Variants in NCEH1 observed in about 807,000 individuals in gnomAD.
NCEH1 encodes neutral cholesterol ester hydrolase 1, also known as 2-acetyl MAGE hydrolase.
Under a neutral mutation model 25.4 loss-of-function variants are expected in NCEH1, and 9 were observed. The observed-to-expected ratio is 0.35, with a 90% CI of 0.21 to 0.62. NCEH1 has a LOEUF of 0.62. NCEH1 is among the 20% of genes least tolerant of loss of function. The pLI is 0.72. For synonymous variants in NCEH1, 200 were observed against 199.8 expected (o/e 1.00, Z -0.01); for missense variants, 412 against 501.1 (o/e 0.82, Z 1.70).
chr3:172,648,088 C>T lies in NCEH1; in HGVS notation c.165G>A (p.Leu55=). ...AATTCAGTGCCAGCAGGTGATGGCT[C>T]AGTCCCAGGTAGTGGATCAGGTTAC... The part of the protein sequence containing the change: ...QVSNLIHYLG[L]SHHLLALNFI... The change falls in exon 2 of 5, where the codon CTG becomes CTA. Residue 55 remains leucine (L), a synonymous_variant. Coordinates refer to ENST00000475381, the MANE Select transcript of NCEH1 (RefSeq NM_020792.6). 1 of 1,614,092 alleles carries T rather than the reference C, an allele frequency of 6.2e-7. No homozygotes were observed. Among genetic ancestry groups the T allele is most frequent in the Non-Finnish European group, 8.5e-7 (1 of 1,180,028 alleles).
chr3:172,636,325 C>G, intron 3 of NCEH1: 1 of 295,146 alleles, frequency 3.4e-6, no homozygotes, highest in Non-Finnish European at 6.2e-6. Flanking sequence ...TTTCTTTAAA[C>G]TATCAGCCAC....
chr3:172,647,839 C>G, intron 2 of NCEH1, 47 bp downstream of exon 2: 1 of 1,609,468 alleles, frequency 6.2e-7, no homozygotes. Flanking sequence ...GCATCTCCCC[C>G]AAGGCCAACC....
chr3:172,685,522 A>G (rs961494566), intron 1 of NCEH1, among the ~76,000 whole-genome samples: 2 of 152,250 alleles, frequency 1.3e-5, no homozygotes, highest in Non-Finnish European at 2.9e-5. Flanking sequence ...GAGATGAGTG[A>G]CAAGCTCTGA....
intron 1 of NCEH1, among the ~76,000 whole-genome samples, chr3:172,653,006 C>A (rs1013594715): frequency 2.0e-5 from 3 of 152,094 alleles, no homozygotes; most frequent in Admixed American, 1.3e-4. Flanking sequence ...CACCCAGCCT[C>A]CTGAAACCTC....
rs1358934944 is a variant in NCEH1, at chr3:172,633,895, G to A, written c.807C>T (p.Asn269=). 6.2e-7 allele frequency: 1 copy of A among 1,614,222 alleles called. No individual in the cohort carries two copies. Among genetic ancestry groups the A allele is most frequent in the South Asian group, 1.1e-5 (1 of 91,088 alleles). Residue 269 remains asparagine (N), a synonymous_variant, in exon 5 of 5, where the codon AAC becomes AAT. Coordinates refer to ENST00000475381, the MANE Select transcript of NCEH1 (RefSeq NM_020792.6). The stretch of plus-strand genomic sequence containing the variant: ...CTTCCACATCAAGTGAAGTGTGATT[G>A]TTAACGATCATTGCCTGCACAAAGT... ...NYDFVQAMIV[N]NHTSLDVEEA... is the part of the protein sequence containing the mutation.
intron 1 of NCEH1, among the ~76,000 whole-genome samples, chr3:172,662,876 C>T (rs531299913): frequency 6.0e-5 from 9 of 150,842 alleles, no homozygotes; most frequent in East Asian, 1.9e-4. Context: ...GTCTTGCTAG[C>T]GGTCTATCAA....
chr3:172,677,201 C>A (rs1712056603), intron 1 of NCEH1, among the ~76,000 whole-genome samples: 1 of 152,212 alleles, frequency 6.6e-6, no homozygotes, highest in African/African-American at 2.4e-5. Context: ...ATGTGTTACA[C>A]AGGACACTCC....
At chr3:172,700,586 C>T (rs1713624611) in intron 1 of NCEH1, among the ~76,000 whole-genome samples, 1 of 152,158 alleles carries the variant, frequency 6.6e-6, no homozygotes, top group African/African-American at 2.4e-5. Context: ...TGTGATCATA[C>T]AGCCTTCACC....
chr3:172,708,550 T>C (rs907218355), intron 1 of NCEH1, among the ~76,000 whole-genome samples: 4 of 152,100 alleles, frequency 2.6e-5, no homozygotes, highest in Non-Finnish European at 5.9e-5. Context: ...AGAAAGAGGT[T>C]TCACTATGTT....
rs2108483601 is a variant in NCEH1, at chr3:172,630,254, T to C, written c.*3221A>G. 1 of 152,328 alleles carries C rather than the reference T, an allele frequency of 6.6e-6. No individual in the cohort carries two copies. Among genetic ancestry groups the C allele is most frequent in the African/African-American group, 2.4e-5 (1 of 41,560 alleles). 9.4% of individuals were successfully genotyped at this position (152,328 alleles called of 1,614,324 possible). ...ATAAACTAAGCATAATAAACTCAAGTGTGAAATTAGATTTATTTGTAATGA... is the reference window on the plus strand; with the variant it reads ...ATAAACTAAGCATAATAAACTCAAGCGTGAAATTAGATTTATTTGTAATGA... On this transcript the variant is annotated 3_prime_UTR_variant, in exon 5 of 5. Coordinates refer to ENST00000475381, the MANE Select transcript of NCEH1 (RefSeq NM_020792.6).
chr3:172,664,900 G>A (rs760482900), intron 1 of NCEH1, among the ~76,000 whole-genome samples: 2 of 152,042 alleles, frequency 1.3e-5, no homozygotes, highest in Non-Finnish European at 2.9e-5. Context: ...TGATGGGTTC[G>A]AACATCCTCC....
At chr3:172,642,613 AAAAAAAAAAAAG>A (rs1007017671) in intron 3 of NCEH1, among the ~76,000 whole-genome samples, 1 of 151,384 alleles carries the variant, frequency 6.6e-6, no homozygotes, top group African/African-American at 2.4e-5. Flanking sequence ...CAAAAAAAAA[AAAAAAAAAAAAG>A]AAAAAGAAAA....
rs201968830 is a variant in NCEH1 at position 172,693,229 on chromosome 3, GAAT to G, written c.138+17615_138+17617del. ...GAAAATATGCTGGCGCTTTAAAAAT[GAAT>G]AATGCATCATTTTCCTCCATAAACA... On this transcript the variant is annotated intron_variant, in intron 1 of 4. Transcript: ENST00000475381. Among the ~76,000 whole-genome samples, 198 of 152,312 alleles carry G rather than the reference GAAT, an allele frequency of 1.3e-3. 4 individuals are homozygous for G. The East Asian group carries it at 0.034, about 26-fold the overall frequency.
chr3:172,693,697 C>A (rs534489862), intron 1 of NCEH1, among the ~76,000 whole-genome samples: 177 of 152,106 alleles, frequency 1.2e-3, no homozygotes, highest in Middle Eastern at 3.4e-3. Flanking sequence ...TCTTTTCATC[C>A]ATGTATTAAG....
intron 1 of NCEH1, among the ~76,000 whole-genome samples, chr3:172,677,350 A>T (rs1343481363): frequency 1.3e-5 from 2 of 152,244 alleles, no homozygotes; most frequent in Non-Finnish European, 2.9e-5. Flanking sequence ...ATCTACTGAT[A>T]TCTGAAGAGC....
chr3:172,644,331 G>A (rs1717014707), intron 3 of NCEH1, among the ~76,000 whole-genome samples: 1 of 152,152 alleles, frequency 6.6e-6, no homozygotes, highest in African/African-American at 2.4e-5. Flanking sequence ...TCAAGAGACT[G>A]CAGAAGAAAA....
chr3:172,695,436 AAG>A (rs1208985191), intron 1 of NCEH1, among the ~76,000 whole-genome samples: 1 of 152,240 alleles, frequency 6.6e-6, no homozygotes. Context: ...GACAGTGACT[AAG>A]AGACGATTTC....
chr3:172,668,040 T>C (rs1718304697), intron 1 of NCEH1, among the ~76,000 whole-genome samples: 1 of 152,168 alleles, frequency 6.6e-6, no homozygotes, highest in Non-Finnish European at 1.5e-5. Context: ...AGGCCAATTT[T>C]CTAACAACCA....
In NCEH1 at chr3:172,648,099, A is replaced by G. The variant is rs751306183; in HGVS notation, c.154T>C (p.Tyr52His). ...AGCAGGTGATGGCTCAGTCCCAGGT[A>G]GTGGATCAGGTTACTCTGCAGGGCG... ...GAQQVSNLIH[Y>H]LGLSHHLLAL... The change falls in exon 2 of 5, where the codon TAC (tyrosine) becomes CAC (histidine). Residue 52 changes from tyrosine (Y) to histidine (H), a missense_variant. By Grantham distance (83) the Tyr-to-His change is moderately conservative (BLOSUM62 2). Transcript: ENST00000475381. The G allele has an allele frequency of 6.2e-7, 1 of 1,614,134 alleles. No individual in the cohort carries two copies. The highest frequency in any genetic ancestry group is 1.1e-5 in the South Asian group (1 of 91,076).
Sources: gnomAD v4.1 joint callset for allele counts (sites outside exome capture counted in the v4.1 genomes callset) on GRCh38, gnomAD v4.1.1 for gene constraint, MANE v1.5 for transcripts, NCBI Gene and HGNC (gene_info 2026-07-23, HGNC 2026-07-21) for gene names.